The following OSBPL10 variants were observed in gnomAD, a reference collection of about 807,000 sequenced individuals.
OSBPL10 encodes the protein oxysterol binding protein like 10, also known as oxysterol-binding protein-related protein 10.
A neutral mutation model predicts 81.7 loss-of-function variants in OSBPL10; 49 were observed. The ratio of observed to expected loss-of-function variants is 0.60; its 90% CI spans 0.48 to 0.76. The LOEUF is 0.76. OSBPL10 is among the 30% of genes least tolerant of loss of function. The pLI is 0.00. For missense variants in OSBPL10, 923 were observed against 987.8 expected (o/e 0.93, Z 0.88); for synonymous variants, 419 against 383.6 (o/e 1.09, Z -1.08).
intron 4 of OSBPL10, among the ~76,000 whole-genome samples, chr3:31,761,408 G>A (rs560433785): frequency 2.7e-5 from 4 of 150,594 alleles, no homozygotes; most frequent in Admixed American, 6.6e-5. Context: ...GGAGGTGGAG[G>A]TTGCAGTGAG....
chr3:31,933,055 G>A (rs1697291662), intron 1 of OSBPL10, among the ~76,000 whole-genome samples: 1 of 152,090 alleles, frequency 6.6e-6, no homozygotes, highest in Non-Finnish European at 1.5e-5. Flanking sequence ...ACTAGAATAA[G>A]GATTCAATTC....
At chr3:31,956,065 C>A (rs1021096401) in intron 1 of OSBPL10, among the ~76,000 whole-genome samples, 2 of 152,178 alleles carry the variant, frequency 1.3e-5, no homozygotes, top group East Asian at 3.9e-4. Flanking sequence ...TAGCATTGAT[C>A]TTGGTTCTCC....
At chr3:31,782,490 CAGAGT>C (rs1379809472) in intron 4 of OSBPL10, among the ~76,000 whole-genome samples, 2 of 152,148 alleles carry the variant, frequency 1.3e-5, no homozygotes, top group African/African-American at 4.8e-5. Flanking sequence ...AAATAATCAG[CAGAGT>C]AAACAGACAA....
intron 2 of OSBPL10, among the ~76,000 whole-genome samples, chr3:32,005,588 T>C (rs1242592941): frequency 6.6e-6 from 1 of 152,140 alleles, no homozygotes; most frequent in Non-Finnish European, 1.5e-5. Flanking sequence ...TGGGTTTTTT[T>C]TGTTGTTGCT....
intron 1 of OSBPL10, among the ~76,000 whole-genome samples, chr3:31,884,308 T>C (rs189262508): frequency 1.5e-3 from 229 of 152,342 alleles, no homozygotes; most frequent in African/African-American, 5.3e-3. Context: ...TGCACAGGTT[T>C]GAATCATGTG....
chr3:31,982,837 C>T (rs1698877528), upstream of OSBPL10, among the ~76,000 whole-genome samples: 1 of 152,176 alleles, frequency 6.6e-6, no homozygotes. Context: ...TATTTACTGC[C>T]GCTTCCTATG....
At chr3:32,007,948 G>A (rs1212378820) in intron 2 of OSBPL10, among the ~76,000 whole-genome samples, 3 of 151,200 alleles carry the variant, frequency 2.0e-5, no homozygotes, top group East Asian at 2.0e-4. Context: ...CAGGTGATCC[G>A]CCCACCTCAG....
At chr3:31,681,376 A>G (rs560288012) in intron 8 of OSBPL10, among the ~76,000 whole-genome samples, 2 of 152,330 alleles carry the variant, frequency 1.3e-5, no homozygotes, top group East Asian at 3.9e-4. Flanking sequence ...GGAACCCAAG[A>G]GTGGCTATTT....
intron 4 of OSBPL10, among the ~76,000 whole-genome samples, chr3:31,770,358 A>G (rs1057440091): frequency 2.0e-5 from 3 of 152,132 alleles, no homozygotes; most frequent in African/African-American, 7.2e-5. Context: ...CAAATAGCCC[A>G]TTTCTTAAGC....
chr3:31,717,428 G>A (rs183037912), intron 6 of OSBPL10, among the ~76,000 whole-genome samples: 90 of 152,060 alleles, frequency 5.9e-4, no homozygotes, highest in Middle Eastern at 6.8e-3. Context: ...CGCCTATTCC[G>A]TCCTGATTTC....
At chr3:31,807,818 G>T (rs1313668798) in intron 4 of OSBPL10, among the ~76,000 whole-genome samples, 1 of 152,154 alleles carries the variant, frequency 6.6e-6, no homozygotes, top group African/African-American at 2.4e-5. Flanking sequence ...AACAAGACAT[G>T]ATGTGGCCAA....
intron 2 of OSBPL10, among the ~76,000 whole-genome samples, chr3:31,993,900 A>C (rs967265022): frequency 1.3e-5 from 2 of 149,044 alleles, no homozygotes; most frequent in Non-Finnish European, 2.9e-5. Context: ...ATGTTTGTAC[A>C]AAAAAAAACT....
intron 2 of OSBPL10, among the ~76,000 whole-genome samples, chr3:32,038,984 T>C (rs1465849407): frequency 6.6e-6 from 1 of 151,990 alleles, no homozygotes; most frequent in Non-Finnish European, 1.5e-5. Flanking sequence ...ATTGAAAAAC[T>C]AGACAACAAT....
In OSBPL10 at chr3:32,052,295, T is replaced by A. The variant is rs555827949; in HGVS notation, n.186-5692A>T. On this transcript the variant is annotated intron_variant and non_coding_transcript_variant, in intron 1 of 3. Transcript: ENST00000479173. ...GATTAATAAAATTTAGATATTTGGT[T>A]TAAATTAGGTCAGAGATTAGATTTG... Among the ~76,000 whole-genome samples, 6 of 152,158 alleles carry A rather than the reference T, an allele frequency of 3.9e-5. No individual in the cohort carries two copies. The South Asian group carries it at 1.2e-3, about 32-fold the overall frequency.
At chr3:31,740,043 T>G (rs1697292266) in intron 5 of OSBPL10, among the ~76,000 whole-genome samples, 1 of 131,638 alleles carries the variant, frequency 7.6e-6, no homozygotes, top group African/African-American at 2.8e-5. Context: ...CTATGAATAA[T>G]ACTTTTTTTT....
chr3:31,923,268 T>C (rs9835401), intron 1 of OSBPL10, among the ~76,000 whole-genome samples: 2,924 of 152,218 alleles, frequency 0.019, 101 homozygotes, highest in African/African-American at 0.064. Context: ...TTGTCCCTGG[T>C]TAACATATGG....
intron 5 of OSBPL10, among the ~76,000 whole-genome samples, chr3:31,746,049 T>A (rs569999578): frequency 6.6e-6 from 1 of 152,338 alleles, no homozygotes; most frequent in East Asian, 1.9e-4. Flanking sequence ...TTATACTTTA[T>A]AATTATATGT....
chr3:31,902,258 A>ATTTTT (rs574112153), intron 1 of OSBPL10, among the ~76,000 whole-genome samples: 2 of 117,956 alleles, frequency 1.7e-5, no homozygotes, highest in African/African-American at 6.7e-5. Context: ...TCTTGTCAGT[A>ATTTTT]TTTTTTTTTT....
intron 8 of OSBPL10, among the ~76,000 whole-genome samples, chr3:31,678,878 T>G (rs973009162): frequency 6.6e-6 from 1 of 151,774 alleles, no homozygotes; most frequent in Non-Finnish European, 1.5e-5. Context: ...TCTGCTTCTA[T>G]CTTTGCACTG....
Sources: allele counts gnomAD v4.1 joint callset (sites outside exome capture counted in the v4.1 genomes callset), GRCh38; gene constraint gnomAD v4.1.1; transcripts MANE v1.5; gene names NCBI Gene and HGNC (gene_info 2026-07-23, HGNC 2026-07-21).